The following EBF3 variants were observed in gnomAD, a reference collection of about 807,000 sequenced individuals.
EBF3 encodes the protein transcription factor COE3.
In EBF3, 18 loss-of-function variants were observed where a neutral mutation model predicts 77.1. The ratio of observed to expected loss-of-function variants is 0.23; its 90% CI spans 0.16 to 0.35. The LOEUF (loss-of-function observed/expected upper bound fraction) is 0.35. Among genes scored for constraint, EBF3 ranks in the 10% least tolerant of loss-of-function variants. EBF3 has a pLI of 1.00. For synonymous variants in EBF3, 350 were observed against 343.5 expected, an observed-to-expected ratio of 1.02 and a Z score of -0.21; for missense variants, 558 against 860.0, an observed-to-expected ratio of 0.65 and a Z score of 4.39.
Position 129,837,312 on chromosome 10 carries a change from C to A in EBF3, c.*631G>T, listed in dbSNP as rs1849668976. The A allele has an allele frequency of 6.6e-6, 1 of 152,610 alleles. No individual in the cohort carries two copies. Among genetic ancestry groups the A allele is most frequent in the Non-Finnish European group, 1.5e-5 (1 of 68,056 alleles). The allele number at this position is 152,610 out of a possible 1,614,324, so 9.5% of individuals were successfully genotyped here. ...ATATCAAAGTTACAATTTCTAACTA[C>A]AATAAGTTACAAAGTTTCATTTCAT... On this transcript the variant is annotated 3_prime_UTR_variant, in exon 17 of 17. Coordinates refer to ENST00000440978, the MANE Select transcript of EBF3 (RefSeq NM_001375380.1).
chr10:129,837,276 A>AAGAG lies in EBF3; in HGVS notation c.*663_*666dup, dbSNP rs1849666389. Reference sequence around the variant, plus strand: ...CTCTGTCAGTGTGCTTGTTGAAGGCAAGAGAATTCAATATCAAAGTTACAA... The same window carrying AAGAG: ...CTCTGTCAGTGTGCTTGTTGAAGGCAAGAGAGAGAATTCAATATCAAAGTTACAA... On this transcript the variant is annotated 3_prime_UTR_variant, in exon 17 of 17. Coordinates refer to ENST00000440978, the MANE Select transcript of EBF3 (RefSeq NM_001375380.1). 1 of 152,736 alleles carries AAGAG rather than the reference A, an allele frequency of 6.5e-6. No homozygotes were observed. The allele number at this position is 152,736 out of a possible 1,614,324, so 9.5% of individuals were successfully genotyped here.
At chr10:129,890,761 T>C (rs1419754735) in intron 6 of EBF3, among the ~76,000 whole-genome samples, 6 of 152,220 alleles carry the variant, frequency 3.9e-5, no homozygotes, top group Non-Finnish European at 5.9e-5. Flanking sequence ...TTGTTGTAAA[T>C]TGCAATTTTA....
rs553371804 is a variant in EBF3 at position 129,848,205 on chromosome 10, C to T, written c.1128+187G>A. ...CGAGCCGTCTACGCCTTCTCTCACC[C>T]TTCGCCCACCTCTGAAGCTGGTCAG... On this transcript the variant is annotated intron_variant, in intron 11 of 16. Coordinates refer to ENST00000440978, the MANE Select transcript of EBF3 (RefSeq NM_001375380.1). The surrounding 1 kb of genome is among the most constrained non-coding windows in gnomAD (Gnocchi z 4.4). Among the ~76,000 whole-genome samples, 1 of 152,352 alleles carries T rather than the reference C, an allele frequency of 6.6e-6. No homozygotes were observed. Among genetic ancestry groups the T allele is most frequent in the East Asian group, 1.9e-4 (1 of 5,178 alleles).
intron 11 of EBF3, among the ~76,000 whole-genome samples, chr10:129,846,066 C>T (rs1850435679): frequency 6.7e-6 from 1 of 150,372 alleles, no homozygotes; most frequent in Non-Finnish European, 1.5e-5. Context: ...ATTTTTGCCA[C>T]ATGAGTGCCT....
chr10:129,939,199 C>A (rs951104841), intron 6 of EBF3, among the ~76,000 whole-genome samples: 13 of 152,198 alleles, frequency 8.5e-5, no homozygotes, highest in Non-Finnish European at 1.6e-4. Context: ...AAACTGTGTT[C>A]GAGCACACTC....
At chr10:129,867,047 C>T in intron 10 of EBF3, 94 bp downstream of exon 10, 1 of 1,465,218 alleles carries the variant, frequency 6.8e-7, no homozygotes, top group South Asian at 1.5e-5. Context: ...GACCCCTGCC[C>T]TCTCTGTACA....
intron 3 of EBF3, among the ~76,000 whole-genome samples, chr10:129,962,615 A>G (rs150159174): frequency 2.0e-5 from 3 of 152,214 alleles, no homozygotes; most frequent in African/African-American, 4.8e-5. Flanking sequence ...ACTCGTTCAC[A>G]GGAAGTAAGT....
chr10:129,854,613 A>G (rs1377439810), intron 10 of EBF3, among the ~76,000 whole-genome samples: 2 of 152,194 alleles, frequency 1.3e-5, no homozygotes, highest in African/African-American at 2.4e-5. Context: ...TTCCCTCTGC[A>G]GCCGATTGCA....
intron 6 of EBF3, among the ~76,000 whole-genome samples, chr10:129,953,116 C>T (rs1858792289): frequency 1.3e-5 from 2 of 151,146 alleles, no homozygotes; most frequent in Admixed American, 6.6e-5. Flanking sequence ...GTTGGGCTAC[C>T]GTTCCACAGT....
At chr10:129,955,173 G>C (rs1254959285) in intron 6 of EBF3, among the ~76,000 whole-genome samples, 1 of 152,166 alleles carries the variant, frequency 6.6e-6, no homozygotes, top group Non-Finnish European at 1.5e-5. Context: ...GCCATTCTAA[G>C]TGACAGCTTT....
intron 5 of EBF3, 38 bp downstream of exon 5, chr10:129,958,896 G>T: frequency 6.3e-7 from 1 of 1,577,686 alleles, no homozygotes; most frequent in Non-Finnish European, 8.6e-7. Flanking sequence ...TGGCGCCGAG[G>T]CAGCCCGCGC....
At chr10:129,941,262 C>T (rs957180668) in intron 6 of EBF3, among the ~76,000 whole-genome samples, 6 of 152,234 alleles carry the variant, frequency 3.9e-5, no homozygotes, top group African/African-American at 1.4e-4. Context: ...TATCAGCTTA[C>T]AGGGCAGCAA....
In EBF3 at chr10:129,951,570, G is replaced by C. The variant is rs192165598; in HGVS notation, c.554+5688C>G. 1.5e-3 allele frequency among the ~76,000 whole-genome samples: 235 copies of C among 152,396 alleles called. 1 individual carries two copies. The highest frequency in any genetic ancestry group is 5.4e-3 in the African/African-American group (224 of 41,602). ...GGAAGTCATTGTGGGTGTGTAGCTT[G>C]TTTTCAAACCCAGCCCTTGACTGGC... On this transcript the variant is annotated intron_variant, in intron 6 of 16. Coordinates refer to ENST00000440978, the MANE Select transcript of EBF3 (RefSeq NM_001375380.1).
Position 129,944,088 on chromosome 10 carries a change from T to A in EBF3, c.554+13170A>T, listed in dbSNP as rs1858000253. The stretch of plus-strand genomic sequence containing the variant: ...TTTACACCGTGGGAAAAGAAAAATA[T>A]CACCGTTCTAGTAATCAAGTTATTC... On this transcript the variant is annotated intron_variant, in intron 6 of 16. Coordinates refer to ENST00000440978, the MANE Select transcript of EBF3 (RefSeq NM_001375380.1). The surrounding 1 kb of genome is among the most constrained non-coding windows in gnomAD (Gnocchi z 5.1). Among the ~76,000 whole-genome samples, 1 of 152,226 alleles carries A rather than the reference T, an allele frequency of 6.6e-6. No homozygotes were observed. The highest frequency in any genetic ancestry group is 1.5e-5 in the Non-Finnish European group (1 of 68,042).
intron 8 of EBF3, 107 bp downstream of exon 8, chr10:129,873,345 C>T: frequency 3.1e-6 from 4 of 1,305,092 alleles, no homozygotes; most frequent in Non-Finnish European, 3.9e-6. Flanking sequence ...GGAGGTCTGA[C>T]CAAGGGCGGG....
At chr10:129,875,440 C>T (rs1356848052) in intron 7 of EBF3, among the ~76,000 whole-genome samples, 1 of 152,128 alleles carries the variant, frequency 6.6e-6, no homozygotes, top group South Asian at 2.1e-4. Context: ...TTGTGATCCA[C>T]CCGCCTCAGC....
At chr10:129,905,127 C>T (rs1363432300) in intron 6 of EBF3, among the ~76,000 whole-genome samples, 1 of 152,254 alleles carries the variant, frequency 6.6e-6, no homozygotes, top group Admixed American at 6.5e-5. Context: ...CTGCCCTTGT[C>T]TTTCCATCAA....
intron 6 of EBF3, among the ~76,000 whole-genome samples, chr10:129,954,797 C>G (rs1027369480): frequency 6.6e-6 from 1 of 152,132 alleles, no homozygotes; most frequent in Non-Finnish European, 1.5e-5. Context: ...CCAAATGAGA[C>G]ACTGCTGATG....
In EBF3 at chr10:129,863,359, CA is replaced by C. The variant is rs1353050911; in HGVS notation, c.1039+3781del. On this transcript the variant is annotated intron_variant, in intron 10 of 16. Transcript: ENST00000440978. This position sits in a 1 kb window ranked among gnomAD's most constrained non-coding sequence, Gnocchi z 4.0. ...CTTTATAGGAGTTGAAAGCAGCAGG[CA>C]AAAGGGCCTGGATGGATGGGGCCTG... Among the ~76,000 whole-genome samples the C allele has an allele frequency of 5.3e-5, 8 of 152,240 alleles. No individual in the cohort carries two copies. The highest frequency in any genetic ancestry group is 4.6e-4 in the Admixed American group (7 of 15,286).
Sources: gnomAD v4.1 joint callset for allele counts (sites outside exome capture counted in the v4.1 genomes callset) on GRCh38, gnomAD v4.1.1 for gene constraint, Gnocchi (gnomAD v3.1) non-coding constraint, MANE v1.5 for transcripts, NCBI Gene and HGNC (gene_info 2026-07-23, HGNC 2026-07-21) for gene names.